Variants in NSG2 observed in about 807,000 individuals in gnomAD.
NSG2 encodes the protein neuronal vesicle trafficking-associated protein 2.
NSG2 carries 4 observed loss-of-function variants against 16.9 expected under a neutral mutation model. The observed-to-expected ratio is 0.24, with a 90% confidence interval of 0.12 to 0.54. The LOEUF (loss-of-function observed/expected upper bound fraction) is 0.54. Among genes scored for constraint, NSG2 ranks in the 20% least tolerant of loss-of-function variants. The pLI, the probability that NSG2 is intolerant of heterozygous loss-of-function variation, is 0.95. For missense variants in NSG2, 179 were observed against 221.1 expected (o/e 0.81, Z 1.21); for synonymous variants, 98 against 88.7 (o/e 1.11, Z -0.59).
intron 3 of NSG2, among the ~76,000 whole-genome samples, chr5:174,076,983 T>C (rs1009721456): frequency 6.6e-6 from 1 of 152,176 alleles, no homozygotes; most frequent in African/African-American, 2.4e-5. Flanking sequence ...TGTTCAGTAT[T>C]TCAGTGTCTT....
At chr5:174,076,518 AACTTT>A (rs575891120) in intron 3 of NSG2, among the ~76,000 whole-genome samples, 6 of 152,216 alleles carry the variant, frequency 3.9e-5, no homozygotes, top group East Asian at 1.9e-4. Context: ...TGAAAACTCC[AACTTT>A]ACTTTATATT....
At chr5:174,087,837 A>G (rs149735826) in intron 3 of NSG2, among the ~76,000 whole-genome samples, 4 of 152,256 alleles carry the variant, frequency 2.6e-5, no homozygotes, top group Admixed American at 2.6e-4. Context: ...TAACTACATC[A>G]TGTTTTATAA....
intron 3 of NSG2, among the ~76,000 whole-genome samples, chr5:174,087,680 C>G (rs1210006989): frequency 1.3e-5 from 2 of 151,614 alleles, no homozygotes; most frequent in Non-Finnish European, 2.9e-5. Context: ...CTCCTACTTG[C>G]AGGAGGCTGA....
intron 3 of NSG2, chr5:174,086,646 A>G (rs952453308): frequency 6.6e-6 from 1 of 152,202 alleles, no homozygotes; most frequent in African/African-American, 2.4e-5. Flanking sequence ...ACAGGTTTCC[A>G]TCTATGACAC....
At position 174,107,660 on chromosome 5, in the gene NSG2, G is replaced by A. The variant is rs1034446221; in HGVS notation, c.*155G>A. The A allele has an allele frequency of 2.6e-5, 20 of 768,476 alleles. No individual in the cohort carries two copies. Among genetic ancestry groups the A allele is most frequent in the Non-Finnish European group, 2.2e-5 (10 of 445,746 alleles). 47.6% of individuals were successfully genotyped at this position (768,476 alleles called of 1,614,324 possible). A position where few individuals can be genotyped will look rare whatever the true frequency, so the allele number is the denominator to read the frequency against. Reference sequence around the variant, plus strand: ...GGGAAGAACGCACCAAAAACGTGGTGTGTGCTGGAGTTGTCTGAACCGATA... The same window carrying A: ...GGGAAGAACGCACCAAAAACGTGGTATGTGCTGGAGTTGTCTGAACCGATA... On this transcript the variant is annotated 3_prime_UTR_variant, in exon 5 of 5. Transcript: ENST00000303177. This position sits in a 1 kb window ranked among gnomAD's most constrained non-coding sequence, Gnocchi z 4.5.
At chr5:174,101,365 A>G (rs1760893770) in intron 3 of NSG2, among the ~76,000 whole-genome samples, 1 of 152,230 alleles carries the variant, frequency 6.6e-6, no homozygotes, top group Non-Finnish European at 1.5e-5. Context: ...TAGTGCATCC[A>G]TAATGTTGTG....
rs1467553797 is a variant in NSG2, at chr5:174,108,859, G to A, written c.*1354G>A. 6.5e-6 allele frequency: 1 copy of A among 152,742 alleles called. No homozygotes were observed. 9.5% of individuals were successfully genotyped at this position (152,742 alleles called of 1,614,324 possible). A position where few individuals can be genotyped will look rare whatever the true frequency, so the allele number is the denominator to read the frequency against. ...CAAGTCTCCCACAGGCCATGTAAAG[G>A]GTATTTTTTTGTGGCTTGCTGTGTT... On this transcript the variant is annotated 3_prime_UTR_variant, in exon 5 of 5. Coordinates refer to ENST00000303177, the MANE Select transcript of NSG2 (RefSeq NM_015980.5).
intron 3 of NSG2, among the ~76,000 whole-genome samples, chr5:174,103,277 C>T (rs1760928741): frequency 6.6e-6 from 1 of 152,022 alleles, no homozygotes; most frequent in African/African-American, 2.4e-5. Context: ...TATTTGAAGG[C>T]AGAAATGATC....
intron 3 of NSG2, among the ~76,000 whole-genome samples, chr5:174,093,304 A>G (rs1041864789): frequency 2.6e-5 from 4 of 152,178 alleles, no homozygotes; most frequent in African/African-American, 9.7e-5. Flanking sequence ...ATCTACTAGG[A>G]TAGGCTAGGC....
intron 2 of NSG2, among the ~76,000 whole-genome samples, chr5:174,061,232 G>A (rs1760045600): frequency 6.6e-6 from 1 of 152,154 alleles, no homozygotes; most frequent in Non-Finnish European, 1.5e-5. Context: ...CGTGGATTAA[G>A]AGAAATAATC....
At chr5:174,069,874 A>AT (rs1374503826) in intron 3 of NSG2, among the ~76,000 whole-genome samples, 15,776 of 113,244 alleles carry the variant, frequency 0.14, 2,042 homozygotes, top group African/African-American at 0.32. Flanking sequence ...AAGGTAGGCC[A>AT]TTTTTTTTTT....
chr5:174,092,227 A>G (rs1760731688), intron 3 of NSG2, among the ~76,000 whole-genome samples: 1 of 152,240 alleles, frequency 6.6e-6, no homozygotes, highest in Non-Finnish European at 1.5e-5. Flanking sequence ...CTGTGCCAGG[A>G]GATGGGAAGT....
intron 2 of NSG2, among the ~76,000 whole-genome samples, chr5:174,053,804 A>G (rs1298026208): frequency 2.0e-5 from 3 of 152,170 alleles, no homozygotes; most frequent in Non-Finnish European, 4.4e-5. Flanking sequence ...ATATTTCCTC[A>G]TGTTGACAAT....
chr5:174,079,891 C>T (rs1760419966), intron 3 of NSG2, among the ~76,000 whole-genome samples: 1 of 152,166 alleles, frequency 6.6e-6, no homozygotes. Context: ...AAGGCCATCT[C>T]CCACCCTAAA....
chr5:174,064,782 T>C (rs1760113049), intron 3 of NSG2, among the ~76,000 whole-genome samples: 1 of 152,184 alleles, frequency 6.6e-6, no homozygotes, highest in South Asian at 2.1e-4. Context: ...CGAGGAGCAC[T>C]GGAGAATATG....
chr5:174,055,570 A>G (rs1348962633), intron 2 of NSG2, among the ~76,000 whole-genome samples: 9 of 152,174 alleles, frequency 5.9e-5, no homozygotes. Context: ...ACCGCACTCC[A>G]GCCTGGGCGA....
intron 3 of NSG2, among the ~76,000 whole-genome samples, chr5:174,064,991 C>T (rs80137748): frequency 6.6e-6 from 1 of 152,076 alleles, no homozygotes; most frequent in East Asian, 1.9e-4. Flanking sequence ...GGAGGCTAGC[C>T]CCAACCCTGA....
chr5:174,057,115 G>A (rs1207998648), intron 2 of NSG2, among the ~76,000 whole-genome samples: 1 of 152,118 alleles, frequency 6.6e-6, no homozygotes, highest in African/African-American at 2.4e-5. Context: ...AAAACCTGGA[G>A]TTTCATTTTT....
At chr5:174,087,422 T>G (rs187938980) in intron 3 of NSG2, among the ~76,000 whole-genome samples, 64 of 152,308 alleles carry the variant, frequency 4.2e-4, no homozygotes, top group Non-Finnish European at 7.4e-4. Flanking sequence ...TGTTTCATTT[T>G]CTTCATGTAT....
Sources: gnomAD v4.1 joint callset for allele counts (sites outside exome capture counted in the v4.1 genomes callset) on GRCh38, gnomAD v4.1.1 for gene constraint, Gnocchi (gnomAD v3.1) non-coding constraint, MANE v1.5 for transcripts, NCBI Gene and HGNC (gene_info 2026-07-23, HGNC 2026-07-21) for gene names.